TESPA1: variants seen among roughly 807,000 people sequenced by gnomAD.
TESPA1 encodes the protein protein TESPA1.
In TESPA1, 33 loss-of-function variants were observed where a neutral mutation model predicts 57.9. That is an observed-to-expected ratio of 0.57 (90% CI 0.43 to 0.76). The LOEUF is 0.76. TESPA1 is among the 30% of genes least tolerant of loss of function. The probability of loss-of-function intolerance (pLI) is 0.00; values close to 1 mark genes in which losing one functional copy is unlikely to be tolerated. For missense variants in TESPA1, 618 were observed against 632.9 expected, an observed-to-expected ratio of 0.98 and a Z score of 0.25; for synonymous variants, 227 against 228.9, an observed-to-expected ratio of 0.99 and a Z score of 0.07.
chr12:54,975,612 A>G (rs1952105109), intron 1 of TESPA1, among the ~76,000 whole-genome samples: 1 of 152,060 alleles, frequency 6.6e-6, no homozygotes, highest in Admixed American at 6.6e-5. Context: ...GAAACTCTCC[A>G]GGTCTTATCC....
rs924124370 is a variant in TESPA1, at chr12:54,949,305, A to G, written c.*1087T>C. The G allele has an allele frequency of 6.6e-6, 1 of 151,706 alleles. No individual in the cohort carries two copies. The highest frequency in any genetic ancestry group is 1.5e-5 in the Non-Finnish European group (1 of 67,972). The allele number at this position is 151,706 out of a possible 1,614,324, so 9.4% of individuals were successfully genotyped here. A position where few individuals can be genotyped will look rare whatever the true frequency, so the allele number is the denominator to read the frequency against. On this transcript the variant is annotated 3_prime_UTR_variant, in exon 11 of 11. Transcript: ENST00000449076. Reference sequence around the variant, plus strand: ...AGAACAAAATCAACTTCTGCTTATCATGTCTGGTGTAATTTTTTCCTTTAA... The same window carrying G: ...AGAACAAAATCAACTTCTGCTTATCGTGTCTGGTGTAATTTTTTCCTTTAA...
chr12:54,976,464 T>G (rs1187131317), intron 1 of TESPA1, among the ~76,000 whole-genome samples: 1 of 150,156 alleles, frequency 6.7e-6, no homozygotes, highest in Admixed American at 6.6e-5. Flanking sequence ...TTTTTGGTCG[T>G]AGAACTCAAA....
At chr12:54,983,145 T>C (rs1209609364) in intron 1 of TESPA1, among the ~76,000 whole-genome samples, 2 of 152,168 alleles carry the variant, frequency 1.3e-5, no homozygotes, top group African/African-American at 2.4e-5. Flanking sequence ...AAATCAAACA[T>C]TGAACTGAAA....
chr12:54,953,454 C>G (rs111579027), intron 10 of TESPA1, among the ~76,000 whole-genome samples: 134 of 152,232 alleles, frequency 8.8e-4, no homozygotes, highest in African/African-American at 2.9e-3. Flanking sequence ...TCTCCTCAGC[C>G]ACCTTCTCCC....
intron 10 of TESPA1, 129 bp from the exon 11 acceptor site, chr12:54,950,519 T>A (rs1950315134): frequency 2.9e-5 from 10 of 347,004 alleles, no homozygotes; most frequent in South Asian, 2.2e-4. Flanking sequence ...TTTAAAGTTA[T>A]TAGCAGCAGC....
intron 10 of TESPA1, among the ~76,000 whole-genome samples, chr12:54,951,819 T>A (rs1249065334): frequency 6.6e-6 from 1 of 151,934 alleles, no homozygotes; most frequent in Non-Finnish European, 1.5e-5. Flanking sequence ...TGTTCCTTGA[T>A]AAAACTTTAA....
chr12:54,966,302 G>A (rs977593168), intron 6 of TESPA1, 86 bp downstream of exon 6: 3 of 1,597,138 alleles, frequency 1.9e-6, no homozygotes, highest in Non-Finnish European at 2.6e-6. Flanking sequence ...TGAATCTTTA[G>A]CTCTTTATTT....
chr12:54,970,150 G>A (rs552829229), intron 3 of TESPA1, among the ~76,000 whole-genome samples: 3 of 152,174 alleles, frequency 2.0e-5, no homozygotes, highest in African/African-American at 7.2e-5. Context: ...ATTGCCCAGG[G>A]TGGTCTTGAA....
In TESPA1 at chr12:54,974,452, C is replaced by T. The variant is rs763703325; in HGVS notation, c.111G>A (p.Leu37=). The T allele has an allele frequency of 6.2e-7, 1 of 1,610,206 alleles. No individual in the cohort carries two copies. Among genetic ancestry groups the T allele is most frequent in the South Asian group, 1.1e-5 (1 of 90,032 alleles). The change falls in exon 2 of 11, where the codon CTG becomes CTA. Residue 37 remains leucine, a synonymous_variant. Transcript: ENST00000449076. ...QVLEEEAAAA[L]QDVPDPEPSS... ...AAGGCTCAGGATCTGGGACATCCTG[C>T]AGGGCGGCGGCAGCCTCCTCTTCTA...
chr12:54,949,267 T>C lies in TESPA1; in HGVS notation c.*1125A>G, dbSNP rs1160315804. 6.6e-6 allele frequency: 1 copy of C among 152,196 alleles called. No individual in the cohort carries two copies. The highest frequency in any genetic ancestry group is 1.9e-4 in the East Asian group (1 of 5,202). 9.4% of individuals were successfully genotyped at this position (152,196 alleles called of 1,614,324 possible). ...CAGTTTGTGCCTTCTCCCCTAATGC[T>C]GGCAATAGCACCAGAACAAAATCAA... is the stretch of plus-strand genomic sequence containing the variant. On this transcript the variant is annotated 3_prime_UTR_variant, in exon 11 of 11. Transcript: ENST00000449076.
chr12:54,965,582 A>G lies in TESPA1; in HGVS notation c.446+471T>C, dbSNP rs1201593723. The stretch of plus-strand genomic sequence containing the variant: ...TATATGAACCACATTTTCTTTATCC[A>G]GTCTATCACTGATGGGCAGCTGGGT... On this transcript the variant is annotated intron_variant, in intron 7 of 10. Coordinates refer to ENST00000449076, the MANE Select transcript of TESPA1 (RefSeq NM_001136030.3). Among the ~76,000 whole-genome samples the G allele has an allele frequency of 3.9e-5, 6 of 152,262 alleles. No homozygotes were observed. The South Asian group carries it at 1.0e-3, about 26-fold the overall frequency.
chr12:54,954,798 GTATATA>G (rs1304176211), intron 10 of TESPA1, among the ~76,000 whole-genome samples: 5 of 152,134 alleles, frequency 3.3e-5, no homozygotes, highest in African/African-American at 1.2e-4. Flanking sequence ...ATATTTCACT[GTATATA>G]TATGTCTCAT....
intron 10 of TESPA1, among the ~76,000 whole-genome samples, chr12:54,955,220 T>TTTTGAAAGTGCTCTGAAAGAAG (rs1950658222): frequency 6.6e-6 from 1 of 152,246 alleles, no homozygotes; most frequent in South Asian, 2.1e-4. Flanking sequence ...TGTGCACTTG[T>TTTTGAAAGTGCTCTGAAAGAAG]ATGTCTTCTT....
intron 4 of TESPA1, 33 bp downstream of exon 4, chr12:54,967,810 G>A: frequency 6.2e-7 from 1 of 1,612,450 alleles, no homozygotes; most frequent in East Asian, 2.2e-5. Flanking sequence ...TCTCCAGGTA[G>A]AAGAAAAATA....
intron 10 of TESPA1, among the ~76,000 whole-genome samples, chr12:54,953,819 CT>C (rs1228267280): frequency 6.6e-6 from 1 of 152,136 alleles, no homozygotes; most frequent in Non-Finnish European, 1.5e-5. Context: ...CGTGCCCGGC[CT>C]ACCTTCTCTA....
In TESPA1 at chr12:54,967,912, A is replaced by G. The variant is rs375941376; in HGVS notation, c.207-20T>C. 30 of 1,613,296 alleles carry G rather than the reference A, an allele frequency of 1.9e-5. No individual in the cohort carries two copies. Among genetic ancestry groups the G allele is most frequent in the Non-Finnish European group, 2.4e-5 (28 of 1,179,648 alleles). On this transcript the variant is annotated intron_variant, in intron 3 of 10. Transcript: ENST00000449076. The stretch of plus-strand genomic sequence containing the variant: ...GAGTATCTAAACCAAAAACAGTCTT[A>G]TAGGTTGAAGTCACTTACTACATTT...
At chr12:54,958,898 T>C (rs1016775150) in intron 10 of TESPA1, among the ~76,000 whole-genome samples, 71 of 152,198 alleles carry the variant, frequency 4.7e-4, no homozygotes, top group African/African-American at 1.5e-3. Context: ...TCATTTGTTC[T>C]TGCGCACAGA....
Position 54,974,460 on chromosome 12 carries a change from C to T in TESPA1, c.103G>A (p.Ala35Thr), listed in dbSNP as rs754305689. 6 of 1,609,104 alleles carry T rather than the reference C, an allele frequency of 3.7e-6. No homozygotes were observed. The highest frequency in any genetic ancestry group is 1.7e-5 in the Admixed American group (1 of 59,534). ...GGATCTGGGACATCCTGCAGGGCGG[C>T]GGCAGCCTCCTCTTCTAGGACCTGG... The part of the protein sequence containing the change: ...QTQVLEEEAA[A>T]ALQDVPDPEP... Residue 35 changes from alanine to threonine, a missense_variant, in exon 2 of 11, where the codon GCC (alanine) becomes ACC (threonine). Transcript: ENST00000449076.
chr12:54,966,803 A>C (rs1951464654), intron 5 of TESPA1, among the ~76,000 whole-genome samples: 1 of 152,024 alleles, frequency 6.6e-6, no homozygotes, highest in South Asian at 2.1e-4. Flanking sequence ...TTCTTTACTG[A>C]TGTCCTTCTC....
Sources: gnomAD v4.1 joint callset for allele counts (sites outside exome capture counted in the v4.1 genomes callset) on GRCh38, gnomAD v4.1.1 for gene constraint, MANE v1.5 for transcripts, NCBI Gene and HGNC (gene_info 2026-07-23, HGNC 2026-07-21) for gene names.